Variants in PPP2CA observed in about 807,000 individuals in gnomAD.
PPP2CA encodes protein phosphatase 2 catalytic subunit alpha, also known as serine/threonine-protein phosphatase 2A catalytic subunit alpha isoform.
PPP2CA carries 5 observed loss-of-function variants against 38.8 expected under a neutral mutation model. That is an observed-to-expected ratio of 0.13 (90% CI 0.07 to 0.27). PPP2CA has a LOEUF of 0.27. PPP2CA is among the 10% of genes least tolerant of loss of function. The probability of loss-of-function intolerance (pLI) is 1.00; values close to 1 mark genes in which losing one functional copy is unlikely to be tolerated. For missense variants in PPP2CA, 88 were observed against 389.7 expected (o/e 0.23, Z 6.52); for synonymous variants, 152 against 134.0 (o/e 1.13, Z -0.93).
At chr5:134,220,299 A>G (rs1052406568) in intron 1 of PPP2CA, among the ~76,000 whole-genome samples, 6 of 151,696 alleles carry the variant, frequency 4.0e-5, no homozygotes, top group African/African-American at 9.7e-5. Context: ...TCTCTACTAA[A>G]AATACAAAAA....
intron 1 of PPP2CA, among the ~76,000 whole-genome samples, chr5:134,211,498 CAG>C (rs1762202331): frequency 2.8e-5 from 4 of 143,676 alleles, no homozygotes; most frequent in South Asian, 2.2e-4. Flanking sequence ...TTTTTTGAGA[CAG>C]AGTTTCGCTC....
At chr5:134,224,118 C>T (rs254052) in intron 1 of PPP2CA, 7,289 of 310,128 alleles carry the variant, frequency 0.024, 298 homozygotes, top group African/African-American at 0.11. Context: ...TGGCCAACTA[C>T]TGACTTAAAA....
intron 1 of PPP2CA, among the ~76,000 whole-genome samples, chr5:134,217,675 GATACAT>G (rs1249759091): frequency 6.6e-6 from 1 of 152,198 alleles, no homozygotes; most frequent in Non-Finnish European, 1.5e-5. Flanking sequence ...GGCGTGGGGT[GATACAT>G]GATGTAGAAC....
At chr5:134,199,311 G>A in intron 5 of PPP2CA, 107 bp from the exon 6 acceptor site, 1 of 794,972 alleles carries the variant, frequency 1.3e-6, no homozygotes, top group Admixed American at 2.2e-5. Context: ...CCCTGCCAAA[G>A]GGGCTTAAGA....
intron 2 of PPP2CA, 80 bp downstream of exon 2, chr5:134,205,842 G>T: frequency 2.4e-6 from 3 of 1,246,694 alleles, no homozygotes; most frequent in Non-Finnish European, 2.3e-6. Context: ...TTCAGATAGA[G>T]AAAATAACTG....
Position 134,225,784 on chromosome 5 carries a change from G to C in PPP2CA, c.78C>G (p.Ser26=), listed in dbSNP as rs748674675. ...CCTTCTCGCAGAGGCTCTTGACCTGGGACTCGGACAGCTGCTTGCACTCGT... is the reference window on the plus strand; with the variant it reads ...CCTTCTCGCAGAGGCTCTTGACCTGCGACTCGGACAGCTGCTTGCACTCGT... ...QLNECKQLSE[S]QVKSLCEKAK... The change falls in exon 1 of 7, where the codon TCC becomes TCG. Residue 26 remains serine, a synonymous_variant. Transcript: ENST00000481195. The C allele has an allele frequency of 6.2e-7, 1 of 1,610,316 alleles. No individual in the cohort carries two copies. Among genetic ancestry groups the C allele is most frequent in the South Asian group, 1.1e-5 (1 of 90,876 alleles).
At chr5:134,205,104 T>C (rs1343183152) in intron 2 of PPP2CA, among the ~76,000 whole-genome samples, 2 of 152,038 alleles carry the variant, frequency 1.3e-5, no homozygotes, top group Non-Finnish European at 2.9e-5. Context: ...GGTTAATTAT[T>C]ATTATTTTTT....
At chr5:134,217,026 A>G (rs1463004978) in intron 1 of PPP2CA, among the ~76,000 whole-genome samples, 1 of 152,368 alleles carries the variant, frequency 6.6e-6, no homozygotes. Flanking sequence ...TCACGCCTGT[A>G]ATCCCAGCAC....
chr5:134,196,965 T>C lies in PPP2CA; in HGVS notation c.*807A>G, dbSNP rs1761864953. The C allele has an allele frequency of 6.6e-6, 1 of 152,644 alleles. No homozygotes were observed. Among genetic ancestry groups the C allele is most frequent in the South Asian group, 2.1e-4 (1 of 4,830 alleles). 9.5% of individuals were successfully genotyped at this position (152,644 alleles called of 1,614,324 possible). A position where few individuals can be genotyped will look rare whatever the true frequency, so the allele number is the denominator to read the frequency against. On this transcript the variant is annotated 3_prime_UTR_variant, in exon 7 of 7. Coordinates refer to ENST00000481195, the MANE Select transcript of PPP2CA (RefSeq NM_002715.4). Reference sequence around the variant, plus strand: ...AATGTCAAGGAGTTACCAGAGAGGTTATGTAGTGCCCTTGATTTTTATTTT... The same window carrying C: ...AATGTCAAGGAGTTACCAGAGAGGTCATGTAGTGCCCTTGATTTTTATTTT...
Position 134,197,853 on chromosome 5 carries a change from CAAG to C in PPP2CA, c.858-12_858-10del. The C allele has an allele frequency of 6.2e-7, 1 of 1,613,392 alleles. No homozygotes were observed. Among genetic ancestry groups the C allele is most frequent in the Admixed American group, 1.7e-5 (1 of 59,984 alleles). On this transcript the variant is annotated splice_polypyrimidine_tract_variant and intron_variant, in intron 6 of 6. Transcript: ENST00000481195. ...CTGGGTCAAACTGCAAGCTGAAAAA[CAAG>C]ACCGATTCATGGTTTATGTTCCACG...
intron 1 of PPP2CA, 84 bp downstream of exon 1, chr5:134,225,676 G>A (rs1365496165): frequency 1.2e-5 from 15 of 1,276,904 alleles, no homozygotes; most frequent in Non-Finnish European, 1.6e-5. Context: ...GGCGGCCTCC[G>A]CCATGTTGCA....
At chr5:134,208,389 C>G (rs549368039) in intron 1 of PPP2CA, among the ~76,000 whole-genome samples, 1 of 152,080 alleles carries the variant, frequency 6.6e-6, no homozygotes, top group Non-Finnish European at 1.5e-5. Context: ...CAAATCACAC[C>G]GATAAACAGT....
At chr5:134,201,101 C>A in intron 3 of PPP2CA, 27 bp from the exon 4 acceptor site, 4 of 1,547,276 alleles carry the variant, frequency 2.6e-6, no homozygotes, top group East Asian at 2.2e-5. Context: ...AAAAGGTTAA[C>A]CTCACCTAAA....
intron 1 of PPP2CA, among the ~76,000 whole-genome samples, chr5:134,219,381 T>G (rs1762388555): frequency 6.6e-6 from 1 of 152,232 alleles, no homozygotes; most frequent in African/African-American, 2.4e-5. Flanking sequence ...CTCCATAACC[T>G]CTGTGAACTA....
In PPP2CA at chr5:134,201,033, T is replaced by A; in HGVS notation, c.528A>T (p.Thr176=). The A allele has an allele frequency of 1.9e-6, 3 of 1,613,284 alleles. No individual in the cohort carries two copies. Among genetic ancestry groups the A allele is most frequent in the Non-Finnish European group, 2.5e-6 (3 of 1,179,216 alleles). Reference sequence around the variant, plus strand: ...GATCAAGTGCTCTGATATGATCCAGTGTATCTATAGATGGCGAGAGACCAC... The same window carrying A: ...GATCAAGTGCTCTGATATGATCCAGAGTATCTATAGATGGCGAGAGACCAC... ...LHGGLSPSID[T]LDHIRALDRL... is the part of the protein sequence containing the mutation. Residue 176 remains threonine, a synonymous_variant, in exon 4 of 7, where the codon ACA becomes ACT. Coordinates refer to ENST00000481195, the MANE Select transcript of PPP2CA (RefSeq NM_002715.4).
At chr5:134,208,641 G>T (rs1762135129) in intron 1 of PPP2CA, among the ~76,000 whole-genome samples, 1 of 152,106 alleles carries the variant, frequency 6.6e-6, no homozygotes, top group African/African-American at 2.4e-5. Context: ...TTCAAGTTAT[G>T]ATATATTTAT....
At chr5:134,200,594 T>G (rs1376658381) in intron 4 of PPP2CA, 98 bp from the exon 5 acceptor site, 2 of 1,311,670 alleles carry the variant, frequency 1.5e-6, no homozygotes, top group East Asian at 5.0e-5. Context: ...CCACCCTTTT[T>G]GAGTGATGTT....
intron 3 of PPP2CA, 56 bp from the exon 4 acceptor site, chr5:134,201,130 G>C: frequency 7.2e-7 from 1 of 1,385,682 alleles, no homozygotes; most frequent in African/African-American, 1.4e-5. Context: ...AAACATTCTT[G>C]GCTGGGCACA....
chr5:134,200,853 G>A (rs1348698485), intron 4 of PPP2CA, 132 bp downstream of exon 4: 2 of 737,504 alleles, frequency 2.7e-6, no homozygotes, highest in Non-Finnish European at 4.5e-6. Flanking sequence ...GAACAACAGG[G>A]CAGACAAGAG....
Sources: gnomAD v4.1 joint callset for allele counts (sites outside exome capture counted in the v4.1 genomes callset) on GRCh38, gnomAD v4.1.1 for gene constraint, MANE v1.5 for transcripts, NCBI Gene and HGNC (gene_info 2026-07-23, HGNC 2026-07-21) for gene names.